HDGFL3: variants seen among roughly 807,000 people sequenced by gnomAD.
The protein encoded by HDGFL3 is hepatoma-derived growth factor-related protein 3.
Under a neutral mutation model 27.6 loss-of-function variants are expected in HDGFL3, and 6 were observed. The ratio of observed to expected loss-of-function variants is 0.22; its 90% confidence interval spans 0.12 to 0.43. HDGFL3 has a LOEUF of 0.43. HDGFL3 is among the 20% of genes least tolerant of loss of function. The pLI, the probability that HDGFL3 is intolerant of heterozygous loss-of-function variation, is 1.00. For missense variants in HDGFL3, 207 were observed against 250.1 expected (o/e 0.83, Z 1.16); for synonymous variants, 88 against 88.9 (o/e 0.99, Z 0.05).
At chr15:83,116,618 T>C (rs1425596026) in intron 3 of HDGFL3, among the ~76,000 whole-genome samples, 1 of 152,206 alleles carries the variant, frequency 6.6e-6, no homozygotes, top group Non-Finnish European at 1.5e-5. Context: ...CAGTGAAGAA[T>C]ACAGGCAGCT....
chr15:83,192,534 G>A (rs1004389657), intron 1 of HDGFL3, among the ~76,000 whole-genome samples: 3 of 152,128 alleles, frequency 2.0e-5, no homozygotes, highest in African/African-American at 7.2e-5. Flanking sequence ...CGATGAATGA[G>A]CTAATTGTAA....
intron 1 of HDGFL3, among the ~76,000 whole-genome samples, chr15:83,183,001 A>G (rs1162781001): frequency 6.6e-6 from 1 of 152,218 alleles, no homozygotes; most frequent in Non-Finnish European, 1.5e-5. Context: ...ATATTTGAGT[A>G]TTTTCAAAAT....
At chr15:83,168,170 A>G (rs1273357290) in intron 1 of HDGFL3, among the ~76,000 whole-genome samples, 1 of 152,228 alleles carries the variant, frequency 6.6e-6, no homozygotes, top group Non-Finnish European at 1.5e-5. Context: ...TGTTAAGAGG[A>G]AAGTTCACAG....
In HDGFL3 at chr15:83,163,882, A is replaced by G. The variant is rs1042983696; in HGVS notation, c.161+117T>C. 119 of 703,174 alleles carry G rather than the reference A, an allele frequency of 1.7e-4. 1 individual carries two copies. Among genetic ancestry groups the G allele is most frequent in the Middle Eastern group, 2.5e-4 (1 of 4,074 alleles). The allele number at this position is 703,174 out of a possible 1,614,324, so 43.6% of individuals were successfully genotyped here. ...CAAAAATACATTATTAACTTTGGCA[A>G]TTTTATATAACTGATTATAATGATT... On this transcript the variant is annotated intron_variant, in intron 2 of 5. Transcript: ENST00000299633.
chr15:83,153,901 G>C (rs2036994032), intron 4 of HDGFL3, among the ~76,000 whole-genome samples: 1 of 152,036 alleles, frequency 6.6e-6, no homozygotes, highest in Non-Finnish European at 1.5e-5. Flanking sequence ...ACTGAAATTA[G>C]GTGAGGTAGA....
intron 3 of HDGFL3, chr15:83,121,946 T>C (rs1168673165): frequency 2.5e-6 from 4 of 1,610,684 alleles, no homozygotes; most frequent in South Asian, 1.1e-5. Flanking sequence ...CATTGGCCTA[T>C]ATTGGGTTGG....
At chr15:83,186,562 G>A (rs1379802210) in intron 1 of HDGFL3, among the ~76,000 whole-genome samples, 7 of 152,152 alleles carry the variant, frequency 4.6e-5, no homozygotes, top group African/African-American at 1.7e-4. Context: ...TCTGTATTCT[G>A]AAATAATATC....
chr15:83,190,707 T>C (rs777824255), intron 1 of HDGFL3, among the ~76,000 whole-genome samples: 5 of 152,336 alleles, frequency 3.3e-5, no homozygotes, highest in Admixed American at 3.3e-4. Flanking sequence ...CTTCTCCCAT[T>C]TTGTGGCTTA....
At chr15:83,143,377 G>A (rs2036821120) in intron 5 of HDGFL3, among the ~76,000 whole-genome samples, 1 of 151,302 alleles carries the variant, frequency 6.6e-6, no homozygotes, top group African/African-American at 2.4e-5. Context: ...TTGAGGTCTG[G>A]AGTTCGAGAC....
At chr15:83,123,699 G>A (rs575997084), downstream of HDGFL3, among the ~76,000 whole-genome samples, 3 of 152,306 alleles carry the variant, frequency 2.0e-5, no homozygotes, top group South Asian at 6.2e-4. Flanking sequence ...ACTTCCCTCT[G>A]AGGAAAGAGG....
At chr15:83,141,991 A>G (rs1285789168) in intron 5 of HDGFL3, among the ~76,000 whole-genome samples, 1 of 152,176 alleles carries the variant, frequency 6.6e-6, no homozygotes, top group African/African-American at 2.4e-5. Flanking sequence ...CACACAACTC[A>G]ATGGCTATTA....
chr15:83,139,690 C>T (rs1479205273), intron 5 of HDGFL3, among the ~76,000 whole-genome samples: 1 of 152,066 alleles, frequency 6.6e-6, no homozygotes, highest in Admixed American at 6.6e-5. Context: ...TTAGAGTGTG[C>T]ACCAATTAAT....
Position 83,207,433 on chromosome 15 carries a change from T to G in HDGFL3, c.-19A>C, listed in dbSNP as rs919422881. 2.3e-6 allele frequency: 3 copies of G among 1,288,858 alleles called. No homozygotes were observed. In the African/African-American group the frequency reaches 4.6e-5, roughly 20 times the overall value. 79.8% of individuals were successfully genotyped at this position (1,288,858 alleles called of 1,614,324 possible). ...GCGCCATCCCAGCCGCTCCCCTTCC[T>G]GGTAGTCCTTGGTCGCCGCGAAGAT... On this transcript the variant is annotated 5_prime_UTR_variant, in exon 1 of 6. Coordinates refer to ENST00000299633, the MANE Select transcript of HDGFL3 (RefSeq NM_016073.4). The surrounding 1 kb of genome is among the most constrained non-coding windows in gnomAD (Gnocchi z 4.8).
At chr15:83,146,515 T>C (rs2036895515) in intron 5 of HDGFL3, among the ~76,000 whole-genome samples, 1 of 152,192 alleles carries the variant, frequency 6.6e-6, no homozygotes, top group African/African-American at 2.4e-5. Context: ...GTTGACTCTC[T>C]CCCTTTCTCA....
chr15:83,192,417 A>G (rs2037522455), intron 1 of HDGFL3: 1 of 412,938 alleles, frequency 2.4e-6, no homozygotes, highest in African/African-American at 2.1e-5. Context: ...GAAAATACCA[A>G]TATATGCCAC....
At chr15:83,164,334 G>A (rs1487145232) in intron 1 of HDGFL3, among the ~76,000 whole-genome samples, 23 of 136,398 alleles carry the variant, frequency 1.7e-4, no homozygotes, top group Admixed American at 1.6e-3. Context: ...GAATTATTCC[G>A]GGGAATCTGT....
intron 1 of HDGFL3, among the ~76,000 whole-genome samples, chr15:83,192,080 T>C (rs2037517897): frequency 6.6e-6 from 1 of 151,936 alleles, no homozygotes; most frequent in East Asian, 1.9e-4. Context: ...TAGCTGGGGT[T>C]AGAGATGCCT....
At chr15:83,124,013 C>A (rs1430799744), downstream of HDGFL3, among the ~76,000 whole-genome samples, 1 of 152,164 alleles carries the variant, frequency 6.6e-6, no homozygotes, top group East Asian at 1.9e-4. Flanking sequence ...AATCATCACA[C>A]AGATACCACC....
Position 83,129,315 on chromosome 15 carries a change from G to C in HDGFL3, c.*9955C>G, listed in dbSNP as rs935276841. ...GCTGCTGTAACAAATACTCAGAGTA[G>C]CTTAACACAATTAAAATTTTAATTC... On this transcript the variant is annotated 3_prime_UTR_variant, in exon 6 of 6. Coordinates refer to ENST00000299633, the MANE Select transcript of HDGFL3 (RefSeq NM_016073.4). The C allele has an allele frequency of 1.5e-4, 23 of 152,220 alleles. No individual in the cohort carries two copies. Among genetic ancestry groups the C allele is most frequent in the African/African-American group, 5.5e-4 (23 of 41,458 alleles). The allele number at this position is 152,220 out of a possible 1,614,324, so 9.4% of individuals were successfully genotyped here.
Sources: allele counts gnomAD v4.1 joint callset (sites outside exome capture counted in the v4.1 genomes callset), GRCh38; gene constraint gnomAD v4.1.1; non-coding constraint Gnocchi (gnomAD v3.1); transcripts MANE v1.5; gene names NCBI Gene and HGNC (gene_info 2026-07-23, HGNC 2026-07-21).